RBM33: variants seen among roughly 807,000 people sequenced by gnomAD.
The protein encoded by RBM33 is RNA-binding protein 33.
Under a neutral mutation model 132.6 loss-of-function variants are expected in RBM33, and 28 were observed. The ratio of observed to expected loss-of-function variants is 0.21; its 90% confidence interval spans 0.16 to 0.29. RBM33 has a LOEUF of 0.29. Ranked by LOEUF, RBM33 falls within the 10% of genes least tolerant of loss-of-function variation. The pLI, the probability that RBM33 is intolerant of heterozygous loss-of-function variation, is 1.00. For missense variants in RBM33, 1,291 were observed against 1,518.5 expected (o/e 0.85, Z 2.49); for synonymous variants, 634 against 593.0 (o/e 1.07, Z -1.01).
rs747408290 is a variant in RBM33, at chr7:155,718,372, G to T, written c.1202-13G>T. 7.4e-6 allele frequency: 12 copies of T among 1,613,232 alleles called. No homozygotes were observed. Among genetic ancestry groups the T allele is most frequent in the South Asian group, 5.5e-5 (5 of 91,068 alleles). ...GTAAAGTGTGTCTCTAACACAAGGG[G>T]TTTTTCTTGCAGTGCCCTTGCTACC... On this transcript the variant is annotated splice_polypyrimidine_tract_variant and intron_variant, in intron 8 of 17. Transcript: ENST00000401878.
intron 14 of RBM33, among the ~76,000 whole-genome samples, chr7:155,762,894 C>G (rs1380373611): frequency 6.6e-6 from 1 of 152,218 alleles, no homozygotes; most frequent in Non-Finnish European, 1.5e-5. Flanking sequence ...TCCATCCTGA[C>G]ATAATTCATC....
intron 6 of RBM33, among the ~76,000 whole-genome samples, chr7:155,703,453 A>C (rs1027075699): frequency 3.3e-5 from 5 of 152,168 alleles, no homozygotes; most frequent in Non-Finnish European, 7.3e-5. Flanking sequence ...AAAAGCACTT[A>C]ACTGGATTTT....
chr7:155,698,617 T>G (rs1799869506), intron 5 of RBM33, among the ~76,000 whole-genome samples: 3 of 152,214 alleles, frequency 2.0e-5, no homozygotes, highest in Admixed American at 2.0e-4. Context: ...GCCCCAAGAT[T>G]TGGACCAGAA....
intron 5 of RBM33, among the ~76,000 whole-genome samples, chr7:155,689,341 C>T (rs555157248): frequency 3.6e-4 from 54 of 151,932 alleles, no homozygotes; most frequent in Middle Eastern, 3.4e-3. Flanking sequence ...TTTTTTATTG[C>T]GTCTATTTGA....
At chr7:155,749,892 A>G (rs535157727) in intron 14 of RBM33, among the ~76,000 whole-genome samples, 1 of 152,360 alleles carries the variant, frequency 6.6e-6, no homozygotes, top group East Asian at 1.9e-4. Flanking sequence ...TGTGTGAATC[A>G]AATTAAGTCA....
chr7:155,692,065 GAA>G (rs950025854), intron 5 of RBM33, among the ~76,000 whole-genome samples: 3 of 148,548 alleles, frequency 2.0e-5, no homozygotes, highest in African/African-American at 7.5e-5. Flanking sequence ...AAAAAAAAAA[GAA>G]AATTTTTTTT....
At chr7:155,731,621 A>G (rs1800958876) in intron 9 of RBM33, among the ~76,000 whole-genome samples, 1 of 152,166 alleles carries the variant, frequency 6.6e-6, no homozygotes, top group Admixed American at 6.5e-5. Flanking sequence ...GGCTGGACGG[A>G]GCAGGATGCC....
At chr7:155,682,264 C>G (rs544122918) in intron 5 of RBM33, among the ~76,000 whole-genome samples, 1 of 152,188 alleles carries the variant, frequency 6.6e-6, no homozygotes, top group Admixed American at 6.5e-5. Context: ...AATATTTGCT[C>G]TTTGGTAGAT....
intron 3 of RBM33, among the ~76,000 whole-genome samples, chr7:155,675,876 C>A (rs912807197): frequency 6.6e-6 from 1 of 152,184 alleles, no homozygotes; most frequent in African/African-American, 2.4e-5. Context: ...CCTCAATTTT[C>A]CATTCCCTGT....
intron 3 of RBM33, among the ~76,000 whole-genome samples, chr7:155,675,057 A>C (rs1241349755): frequency 6.6e-6 from 1 of 152,178 alleles, no homozygotes; most frequent in Non-Finnish European, 1.5e-5. Flanking sequence ...CTATAATCCC[A>C]GCACTTTGGG....
Position 155,745,649 on chromosome 7 carries a change from A to G in RBM33, c.2979+47A>G. The G allele has an allele frequency of 6.9e-7, 1 of 1,456,322 alleles. No homozygotes were observed. 90.2% of individuals were successfully genotyped at this position (1,456,322 alleles called of 1,614,324 possible). On this transcript the variant is annotated intron_variant, in intron 14 of 17. Coordinates refer to ENST00000401878, the MANE Select transcript of RBM33 (RefSeq NM_053043.3). This position sits in a 1 kb window ranked among gnomAD's most constrained non-coding sequence, Gnocchi z 4.1. ...GAGCCTCTTTGAGTCTGTGTATCAC[A>G]TAGAATGTCCTCATTTGCAGAGAAT...
intron 16 of RBM33, among the ~76,000 whole-genome samples, chr7:155,767,560 C>G (rs895046121): frequency 6.6e-6 from 1 of 152,210 alleles, no homozygotes; most frequent in African/African-American, 2.4e-5. Flanking sequence ...TGTTTTAGAT[C>G]TCCATCTGCT....
chr7:155,700,178 C>T (rs924606461), intron 5 of RBM33, among the ~76,000 whole-genome samples: 1 of 152,182 alleles, frequency 6.6e-6, no homozygotes, highest in African/African-American at 2.4e-5. Flanking sequence ...AAAAGTTTCT[C>T]CTTTTCAATA....
chr7:155,706,430 G>A (rs932405923), intron 6 of RBM33, among the ~76,000 whole-genome samples: 1 of 152,026 alleles, frequency 6.6e-6, no homozygotes, highest in Admixed American at 6.6e-5. Flanking sequence ...GGAGGTGGAG[G>A]TTGCAGCGAG....
intron 7 of RBM33, among the ~76,000 whole-genome samples, chr7:155,708,572 A>G (rs960945346): frequency 1.3e-5 from 2 of 152,200 alleles, no homozygotes; most frequent in Middle Eastern, 3.2e-3. Context: ...GATGGCGTGA[A>G]TGCTTTTAGA....
chr7:155,742,183 TCTCA>T (rs1422478474), intron 13 of RBM33, 77 bp downstream of exon 13: 12 of 1,325,204 alleles, frequency 9.1e-6, no homozygotes, highest in Non-Finnish European at 1.2e-5. Context: ...CTTAGTTCAC[TCTCA>T]CTAAGTTATT....
Position 155,760,906 on chromosome 7 carries a change from G to C in RBM33, c.2980-2906G>C, listed in dbSNP as rs144870849. 1.9e-3 allele frequency among the ~76,000 whole-genome samples: 290 copies of C among 152,318 alleles called. 1 individual carries two copies. The highest frequency in any genetic ancestry group is 6.3e-3 in the African/African-American group (262 of 41,554). ...TGCGAGCGGTCTGCCTTTTCACAGT[G>C]CTTCCATTTTCATGTGGGGGTTGGG... is the stretch of plus-strand genomic sequence containing the variant. On this transcript the variant is annotated intron_variant, in intron 14 of 17. Coordinates refer to ENST00000401878, the MANE Select transcript of RBM33 (RefSeq NM_053043.3).
rs533814737 is a variant in RBM33, at chr7:155,751,057, T to C, written c.2979+5455T>C. Among the ~76,000 whole-genome samples, 3 of 152,336 alleles carry C rather than the reference T, an allele frequency of 2.0e-5. No homozygotes were observed. In the East Asian group the frequency reaches 5.8e-4, roughly 29 times the overall value. ...TGCATTTGTAAATTTCTTCCCTTCC[T>C]ACCTTCTCAAAAGTTACTCCCACTT... On this transcript the variant is annotated intron_variant, in intron 14 of 17. Transcript: ENST00000401878.
chr7:155,674,885 G>T (rs1010749874), intron 3 of RBM33, among the ~76,000 whole-genome samples: 1 of 152,126 alleles, frequency 6.6e-6, no homozygotes, highest in Non-Finnish European at 1.5e-5. Context: ...TAAAATAAAT[G>T]CATTGTACCT....
Sources: allele counts gnomAD v4.1 joint callset (sites outside exome capture counted in the v4.1 genomes callset), GRCh38; gene constraint gnomAD v4.1.1; non-coding constraint Gnocchi (gnomAD v3.1); transcripts MANE v1.5; gene names NCBI Gene and HGNC (gene_info 2026-07-23, HGNC 2026-07-21).